The following DNAAF11 variants were observed in gnomAD, a reference collection of about 807,000 sequenced individuals.
DNAAF11 encodes leucine rich repeat containing 6.
A neutral mutation model predicts 60.8 loss-of-function variants in DNAAF11; 45 were observed. The observed-to-expected ratio is 0.74, with a 90% confidence interval of 0.58 to 0.95. The LOEUF (loss-of-function observed/expected upper bound fraction) is 0.95, where lower values mean the gene tolerates loss of function less well. Ranked by LOEUF, DNAAF11 falls within the 40% of genes least tolerant of loss-of-function variation. The pLI is 0.00. For missense variants in DNAAF11, 546 were observed against 546.2 expected, an observed-to-expected ratio of 1.00 and a Z score of 0.00; for synonymous variants, 191 against 183.5, an observed-to-expected ratio of 1.04 and a Z score of -0.33.
At chr8:132,664,653 CAG>C (rs1824455325) in intron 1 of DNAAF11, among the ~76,000 whole-genome samples, 1 of 138,438 alleles carries the variant, frequency 7.2e-6, no homozygotes, top group African/African-American at 2.8e-5. Context: ...TTTGTAAAGA[CAG>C]GGTTTCACCA....
chr8:132,622,864 G>A (rs1296824328), intron 6 of DNAAF11, 176 bp from the exon 7 acceptor site: 3 of 553,378 alleles, frequency 5.4e-6, no homozygotes, highest in East Asian at 6.0e-5. Context: ...TCTATGCTGG[G>A]AACTGACAAT....
chr8:132,661,312 C>T (rs1458439068), intron 2 of DNAAF11, 148 bp downstream of exon 2: 1 of 658,170 alleles, frequency 1.5e-6, no homozygotes. Flanking sequence ...GGGAAACGCC[C>T]CCCACACAAC....
chr8:132,616,362 C>A (rs1161275694), intron 7 of DNAAF11, among the ~76,000 whole-genome samples: 1 of 151,992 alleles, frequency 6.6e-6, no homozygotes, highest in African/African-American at 2.4e-5. Context: ...ATGTAGGAGG[C>A]CAACAGATAA....
chr8:132,642,687 A>C (rs902363422), intron 3 of DNAAF11, among the ~76,000 whole-genome samples: 1 of 152,260 alleles, frequency 6.6e-6, no homozygotes, highest in African/African-American at 2.4e-5. Context: ...AAGCAGCTCC[A>C]GATGGTAACT....
chr8:132,636,483 C>T (rs1412202038), intron 4 of DNAAF11, among the ~76,000 whole-genome samples: 1 of 152,144 alleles, frequency 6.6e-6, no homozygotes, highest in East Asian at 1.9e-4. Flanking sequence ...AATTGTCTCC[C>T]TGAATGGGTC....
At chr8:132,676,286 C>A (rs1825758159), upstream of DNAAF11, among the ~76,000 whole-genome samples, 1 of 152,164 alleles carries the variant, frequency 6.6e-6, no homozygotes, top group Non-Finnish European at 1.5e-5. Context: ...GTGCAACGCG[C>A]CTTCTCCCAT....
chr8:132,659,260 A>G (rs752212584), intron 2 of DNAAF11, among the ~76,000 whole-genome samples: 3 of 152,186 alleles, frequency 2.0e-5, no homozygotes, highest in Admixed American at 1.3e-4. Flanking sequence ...ATTGCTTCAC[A>G]AACTTCTACC....
chr8:132,700,954 A>G, the DNAAF11 span, among the ~76,000 whole-genome samples: 1 of 152,224 alleles, frequency 6.6e-6, no homozygotes, highest in Non-Finnish European at 1.5e-5. Context: ...TTATCGGCTC[A>G]CAGTTCTGAA....
At chr8:132,591,766 G>A (rs1204909652) in intron 10 of DNAAF11, among the ~76,000 whole-genome samples, 1 of 151,980 alleles carries the variant, frequency 6.6e-6, no homozygotes, top group East Asian at 1.9e-4. Flanking sequence ...ATACATAGAT[G>A]AAATGCAAGT....
At chr8:132,617,913 C>A (rs550755960) in intron 7 of DNAAF11, among the ~76,000 whole-genome samples, 33 of 149,678 alleles carry the variant, frequency 2.2e-4, no homozygotes, top group African/African-American at 7.4e-4. Flanking sequence ...ATCAAGCTAC[C>A]AATGACTTTC....
chr8:132,671,031 G>C (rs965746329), intron 1 of DNAAF11, among the ~76,000 whole-genome samples: 2 of 151,870 alleles, frequency 1.3e-5, no homozygotes, highest in African/African-American at 4.8e-5. Flanking sequence ...GTAAGAATCA[G>C]AAAAAAAGGC....
chr8:132,596,296 A>T (rs190854022), intron 10 of DNAAF11, among the ~76,000 whole-genome samples: 1 of 152,306 alleles, frequency 6.6e-6, no homozygotes, highest in Non-Finnish European at 1.5e-5. Flanking sequence ...TAAAATCAAC[A>T]CTGACAGTTA....
chr8:132,651,884 C>G (rs559532557), intron 3 of DNAAF11, among the ~76,000 whole-genome samples: 1 of 152,288 alleles, frequency 6.6e-6, no homozygotes, highest in East Asian at 1.9e-4. Flanking sequence ...GACTCCATTT[C>G]TAATGCAGAA....
Position 132,586,586 on chromosome 8 carries a change from T to G in DNAAF11, c.1141-2807A>C, listed in dbSNP as rs555707039. On this transcript the variant is annotated intron_variant, in intron 10 of 11. Coordinates refer to ENST00000620350, the MANE Select transcript of DNAAF11 (RefSeq NM_012472.6). ...GTCTAGATCACGTGGTCTTTTCAGT[T>G]CTGGAACTCTTTGCTCCTTCCTTAC... Among the ~76,000 whole-genome samples, 456 of 152,164 alleles carry G rather than the reference T, an allele frequency of 3.0e-3. 1 individual carries two copies. Among genetic ancestry groups the G allele is most frequent in the Non-Finnish European group, 3.5e-3 (238 of 68,002 alleles).
intron 9 of DNAAF11, among the ~76,000 whole-genome samples, chr8:132,610,886 G>GTTTA (rs371154949): frequency 0.06 from 9,060 of 151,778 alleles, 362 homozygotes; most frequent in Non-Finnish European, 0.083. Flanking sequence ...TTTTATTTTT[G>GTTTA]TTTATTTATT....
At chr8:132,685,091 G>C in the DNAAF11 span, 3 of 152,168 alleles carry the variant, frequency 2.0e-5, no homozygotes, top group Admixed American at 2.0e-4. Flanking sequence ...ACAAGTGGTA[G>C]CAGGTGCTAA....
At chr8:132,690,877 G>A in the DNAAF11 span, among the ~76,000 whole-genome samples, 1 of 152,178 alleles carries the variant, frequency 6.6e-6, no homozygotes, top group Non-Finnish European at 1.5e-5. Context: ...CAGAGATAAA[G>A]TGCCATTTTC....
At chr8:132,619,813 C>T (rs574556696) in intron 7 of DNAAF11, among the ~76,000 whole-genome samples, 3 of 152,260 alleles carry the variant, frequency 2.0e-5, no homozygotes, top group African/African-American at 7.2e-5. Flanking sequence ...CCAAGGATAA[C>T]TGAGCAACTA....
chr8:132,575,249 AAT>A (rs1347088954), intron 11 of DNAAF11, among the ~76,000 whole-genome samples: 1 of 152,188 alleles, frequency 6.6e-6, no homozygotes, highest in Non-Finnish European at 1.5e-5. Flanking sequence ...TAGGGATGAC[AAT>A]GAACATAAGG....
Sources: allele counts gnomAD v4.1 joint callset (sites outside exome capture counted in the v4.1 genomes callset), GRCh38; gene constraint gnomAD v4.1.1; transcripts MANE v1.5; gene names NCBI Gene and HGNC (gene_info 2026-07-23, HGNC 2026-07-21).